SLC9A9: variants seen among roughly 807,000 people sequenced by gnomAD.
The protein encoded by SLC9A9 is solute carrier family 9 member A9.
A neutral mutation model predicts 77.8 loss-of-function variants in SLC9A9; 62 were observed. The observed-to-expected ratio is 0.80, with a 90% CI of 0.65 to 0.98. SLC9A9 has a LOEUF of 0.98. Ranked by LOEUF, SLC9A9 falls within the 50% of genes least tolerant of loss-of-function variation. The pLI is 0.00. For missense variants in SLC9A9, 775 were observed against 774.9 expected, an observed-to-expected ratio of 1.00 and a Z score of 0.00; for synonymous variants, 320 against 283.5, an observed-to-expected ratio of 1.13 and a Z score of -1.29.
At chr3:143,824,705 A>G (rs2009254830) in intron 2 of SLC9A9, among the ~76,000 whole-genome samples, 1 of 152,214 alleles carries the variant, frequency 6.6e-6, no homozygotes, top group Non-Finnish European at 1.5e-5. Flanking sequence ...ATATTTTTTG[A>G]ATGACTGAAG....
At chr3:143,542,579 C>T (rs2036707568) in intron 9 of SLC9A9, among the ~76,000 whole-genome samples, 1 of 152,140 alleles carries the variant, frequency 6.6e-6, no homozygotes, top group Admixed American at 6.5e-5. Flanking sequence ...GGACACACTG[C>T]AGGAAACACG....
chr3:143,308,345 G>A (rs1255856640), intron 14 of SLC9A9, among the ~76,000 whole-genome samples: 2 of 152,124 alleles, frequency 1.3e-5, no homozygotes, highest in Non-Finnish European at 2.9e-5. Context: ...GGGAGGCCGA[G>A]GCGGGCGGAT....
In SLC9A9 at chr3:143,652,323, G is replaced by T. The variant is rs954266444; in HGVS notation, c.687C>A (p.Asp229Glu). The T allele has an allele frequency of 3.7e-6, 6 of 1,613,140 alleles. No individual in the cohort carries two copies. Among genetic ancestry groups the T allele is most frequent in the Admixed American group, 3.3e-5 (2 of 59,900 alleles). The change falls in exon 6 of 16, where the codon GAC becomes GAA. Residue 229 changes from aspartate (D) to glutamate (E), a missense_variant. Coordinates refer to ENST00000316549, the MANE Select transcript of SLC9A9 (RefSeq NM_173653.4). ...CAAACAAGAGTGTGTACAGGTCAGG[G>T]TCGACGTGCAGTTCATGGAAAATGG... ...VLAIFHELHV[D>E]PDLYTLLFGE...
chr3:143,785,610 G>A (rs1191152733), intron 4 of SLC9A9, among the ~76,000 whole-genome samples: 3 of 152,074 alleles, frequency 2.0e-5, no homozygotes, highest in Non-Finnish European at 2.9e-5. Flanking sequence ...TTATGTTTTG[G>A]GGGTAGTTTG....
chr3:143,796,915 G>GA lies in SLC9A9; in HGVS notation c.379-13dup. 5 of 1,600,392 alleles carry GA rather than the reference G, an allele frequency of 3.1e-6. No homozygotes were observed. Among genetic ancestry groups the GA allele is most frequent in the South Asian group, 2.2e-5 (2 of 90,028 alleles). On this transcript the variant is annotated splice_polypyrimidine_tract_variant and intron_variant, in intron 2 of 15. Coordinates refer to ENST00000316549, the MANE Select transcript of SLC9A9 (RefSeq NM_173653.4). ...GGATCAAATGTCATCTGCCAGAAAG[G>GA]AAAAAAAGGATAGTTAGAATGATGC...
At chr3:143,409,785 G>A (rs1050908723) in intron 12 of SLC9A9, among the ~76,000 whole-genome samples, 3 of 152,172 alleles carry the variant, frequency 2.0e-5, no homozygotes, top group African/African-American at 7.2e-5. Flanking sequence ...TTGTTTAAAA[G>A]AGTTATCTTA....
intron 4 of SLC9A9, among the ~76,000 whole-genome samples, chr3:143,785,369 A>G (rs2008014848): frequency 6.6e-6 from 1 of 152,198 alleles, no homozygotes; most frequent in Admixed American, 6.5e-5. Flanking sequence ...GAGAAGCTAC[A>G]TGGATTAAAA....
At chr3:143,394,093 T>C (rs1257158013) in intron 12 of SLC9A9, among the ~76,000 whole-genome samples, 1 of 152,082 alleles carries the variant, frequency 6.6e-6, no homozygotes, top group African/African-American at 2.4e-5. Flanking sequence ...CCCCCCTAAC[T>C]CATTTTATGA....
At chr3:143,307,393 G>T (rs935515989) in intron 14 of SLC9A9, among the ~76,000 whole-genome samples, 1 of 152,222 alleles carries the variant, frequency 6.6e-6, no homozygotes, top group Non-Finnish European at 1.5e-5. Flanking sequence ...GATTTAAACA[G>T]AAATTGACAT....
chr3:143,266,521 G>A lies in SLC9A9; in HGVS notation c.*181C>T. The A allele has an allele frequency of 1.5e-6, 1 of 667,276 alleles. No individual in the cohort carries two copies. The highest frequency in any genetic ancestry group is 2.8e-5 in the East Asian group (1 of 36,194). 41.3% of individuals were successfully genotyped at this position (667,276 alleles called of 1,614,324 possible). ...ACTAAATTCATTTGCATAATAGAGA[G>A]GGATAATAAAATCTCATTTCTTCAG... is the stretch of plus-strand genomic sequence containing the variant. On this transcript the variant is annotated 3_prime_UTR_variant, in exon 16 of 16. Coordinates refer to ENST00000316549, the MANE Select transcript of SLC9A9 (RefSeq NM_173653.4).
At chr3:143,780,768 G>A (rs1171832711) in intron 4 of SLC9A9, among the ~76,000 whole-genome samples, 1 of 152,218 alleles carries the variant, frequency 6.6e-6, no homozygotes, top group African/African-American at 2.4e-5. Flanking sequence ...CAAGTGGACA[G>A]AGTCCTAGAT....
intron 4 of SLC9A9, among the ~76,000 whole-genome samples, chr3:143,721,840 G>A (rs1560048360): frequency 6.6e-6 from 1 of 152,158 alleles, no homozygotes; most frequent in Non-Finnish European, 1.5e-5. Flanking sequence ...TTGCTGAGGT[G>A]ACTTTAATAC....
chr3:143,743,647 A>G (rs542345319), intron 4 of SLC9A9, among the ~76,000 whole-genome samples: 1 of 152,260 alleles, frequency 6.6e-6, no homozygotes, highest in East Asian at 1.9e-4. Context: ...TGAGAGTGGC[A>G]GTCTTCCCCA....
intron 4 of SLC9A9, among the ~76,000 whole-genome samples, chr3:143,766,148 T>G (rs1235003407): frequency 2.0e-5 from 3 of 152,188 alleles, no homozygotes; most frequent in Non-Finnish European, 4.4e-5. Flanking sequence ...AGAAGCATTA[T>G]TGAGGCAATA....
chr3:143,338,609 G>A (rs10804690), intron 14 of SLC9A9, among the ~76,000 whole-genome samples: 84,992 of 152,070 alleles, frequency 0.56, 25,082 homozygotes, highest in African/African-American at 0.74. Context: ...CTGCACCCCA[G>A]TGGCCTTACA....
intron 9 of SLC9A9, among the ~76,000 whole-genome samples, chr3:143,522,148 T>C (rs1341736296): frequency 6.6e-6 from 1 of 152,150 alleles, no homozygotes; most frequent in African/African-American, 2.4e-5. Context: ...ACAAACCTCA[T>C]AGTCAAACTT....
chr3:143,409,647 G>A (rs570516830), intron 12 of SLC9A9, among the ~76,000 whole-genome samples: 3 of 152,206 alleles, frequency 2.0e-5, no homozygotes, highest in East Asian at 1.9e-4. Context: ...GGATAGAAGC[G>A]ATTCTTTCCA....
At chr3:143,370,567 G>GCACACACACACACA (rs57705324) in intron 13 of SLC9A9, among the ~76,000 whole-genome samples, 2,284 of 143,348 alleles carry the variant, frequency 0.016, 32 homozygotes, top group Middle Eastern at 0.025. Flanking sequence ...GCATGTGCGC[G>GCACACACACACACA]CACACACACA....
chr3:143,431,683 G>T (rs573498049), intron 12 of SLC9A9, among the ~76,000 whole-genome samples: 1 of 151,856 alleles, frequency 6.6e-6, no homozygotes, highest in Non-Finnish European at 1.5e-5. Flanking sequence ...GGGTTTTACC[G>T]TGTTAGCCAG....
Sources: gnomAD v4.1 joint callset for allele counts (sites outside exome capture counted in the v4.1 genomes callset) on GRCh38, gnomAD v4.1.1 for gene constraint, MANE v1.5 for transcripts, NCBI Gene and HGNC (gene_info 2026-07-23, HGNC 2026-07-21) for gene names.